The following EFHC1 variants were observed in gnomAD, a reference collection of about 807,000 sequenced individuals.
EFHC1 encodes the protein EF-hand domain containing 1.
In EFHC1, 53 loss-of-function variants were observed where a neutral mutation model predicts 69.9. The ratio of observed to expected loss-of-function variants is 0.76; its 90% CI spans 0.61 to 0.95. The LOEUF (loss-of-function observed/expected upper bound fraction) is 0.95, where lower values mean the gene tolerates loss of function less well. Among genes scored for constraint, EFHC1 ranks in the 40% least tolerant of loss-of-function variants. The pLI is 0.00. For synonymous variants in EFHC1, 256 were observed against 278.4 expected (o/e 0.92, Z 0.80); for missense variants, 739 against 798.7 (o/e 0.93, Z 0.90).
intron 5 of EFHC1, 80 bp downstream of exon 5, chr6:52,454,367 T>G: frequency 6.3e-7 from 1 of 1,577,396 alleles, no homozygotes; most frequent in East Asian, 2.2e-5. Context: ...GTATGCAAAA[T>G]TCGTTTATAC....
rs145141355 is a variant in EFHC1, at chr6:52,448,620, C to T, written c.574-4068C>T. ...ACCTCAGTTGGTAATGCAGAAATCA[C>T]CCGTCTTCTGCGTTGCTCATGCTGG... On this transcript the variant is annotated intron_variant, in intron 3 of 10. Coordinates refer to ENST00000371068, the MANE Select transcript of EFHC1 (RefSeq NM_018100.4). Among the ~76,000 whole-genome samples, 566 of 152,324 alleles carry T rather than the reference C, an allele frequency of 3.7e-3. 4 individuals are homozygous for T. The highest frequency in any genetic ancestry group is 0.013 in the African/African-American group (520 of 41,566).
At chr6:52,450,030 A>G (rs1315666876) in intron 3 of EFHC1, among the ~76,000 whole-genome samples, 1 of 152,182 alleles carries the variant, frequency 6.6e-6, no homozygotes, top group Admixed American at 6.5e-5. Flanking sequence ...TTTCAAAGAA[A>G]TTCTTGATTT....
intron 3 of EFHC1, among the ~76,000 whole-genome samples, chr6:52,443,994 G>A (rs1764724123): frequency 2.0e-5 from 3 of 152,106 alleles, no homozygotes; most frequent in African/African-American, 7.2e-5. Flanking sequence ...TCCTTGAAGA[G>A]GTCCTTCATG....
rs1210536369 is a variant in EFHC1 at position 52,420,358 on chromosome 6, G to A, written c.-53G>A. ...CCCGCGAACACTGCTTGTCGCCTGG[G>A]CAACCGGAGAGGACGAAGCAGGACC... On this transcript the variant is annotated 5_prime_UTR_variant, in exon 1 of 11. Transcript: ENST00000371068. 6 of 1,612,466 alleles carry A rather than the reference G, an allele frequency of 3.7e-6. No homozygotes were observed. The highest frequency in any genetic ancestry group is 5.1e-6 in the Non-Finnish European group (6 of 1,178,478).
At position 52,438,471 on chromosome 6, in the gene EFHC1, C is replaced by A. The variant is rs1411801051; in HGVS notation, c.453C>A (p.Arg151=). The change falls in exon 3 of 11, where the codon CGC becomes CGA. Residue 151 remains arginine (R), a synonymous_variant. Coordinates refer to ENST00000371068, the MANE Select transcript of EFHC1 (RefSeq NM_018100.4). ...TCCTTCAAGGCAAGTTAATAAAACG[C>A]CAGCGGCTAGCCAAGAATGACCGGG... The part of the protein sequence containing the change: ...SGILQGKLIK[R]QRLAKNDRGD... 1 of 1,613,966 alleles carries A rather than the reference C, an allele frequency of 6.2e-7. No homozygotes were observed. The highest frequency in any genetic ancestry group is 1.1e-5 in the South Asian group (1 of 91,074).
Position 52,454,118 on chromosome 6 carries a change from G to T in EFHC1, c.747G>T (p.Trp249Cys). The T allele has an allele frequency of 6.2e-7, 1 of 1,613,668 alleles. No homozygotes were observed. Residue 249 changes from tryptophan (W) to cysteine (C), a missense_variant, in exon 5 of 11, where the codon TGG becomes TGT. Coordinates refer to ENST00000371068, the MANE Select transcript of EFHC1 (RefSeq NM_018100.4). The stretch of plus-strand genomic sequence containing the variant: ...AGGTCCTTCGATTCTATGCAATCTG[G>T]GATGATACAGACAGCATGTATGGTG... ...DKQVLRFYAI[W>C]DDTDSMYGEC...
intron 2 of EFHC1, among the ~76,000 whole-genome samples, chr6:52,431,707 A>G (rs1408486467): frequency 6.6e-6 from 1 of 152,012 alleles, no homozygotes; most frequent in African/African-American, 2.4e-5. Flanking sequence ...TTGTAAATAT[A>G]TTAAGTCCAT....
chr6:52,446,906 T>C (rs546791859), intron 3 of EFHC1, among the ~76,000 whole-genome samples: 1 of 152,360 alleles, frequency 6.6e-6, no homozygotes, highest in Admixed American at 6.5e-5. Context: ...TCTTCTGGCT[T>C]GTAGAGTTTC....
chr6:52,450,840 C>T (rs1171600077), intron 3 of EFHC1, among the ~76,000 whole-genome samples: 1 of 151,996 alleles, frequency 6.6e-6, no homozygotes, highest in East Asian at 1.9e-4. Context: ...ACTTTGTCAC[C>T]CAGGTTGGCG....
intron 5 of EFHC1, among the ~76,000 whole-genome samples, chr6:52,460,789 C>A (rs1050990805): frequency 1.3e-5 from 2 of 152,082 alleles, no homozygotes; most frequent in African/African-American, 2.4e-5. Flanking sequence ...AAATACATTT[C>A]CAGGCAAACA....
chr6:52,480,257 C>G, intron 9 of EFHC1: 1 of 231,908 alleles, frequency 4.3e-6, no homozygotes, highest in Admixed American at 5.2e-5. Flanking sequence ...AGTGGATCAT[C>G]TTAAAGGTCT....
chr6:52,492,971 A>G lies in EFHC1; in HGVS notation c.*630A>G, dbSNP rs1362413932. 2.2e-6 allele frequency: 1 copy of G among 453,994 alleles called. No homozygotes were observed. Among genetic ancestry groups the G allele is most frequent in the African/African-American group, 2.0e-5 (1 of 50,010 alleles). 28.1% of individuals were successfully genotyped at this position (453,994 alleles called of 1,614,324 possible). A position where few individuals can be genotyped will look rare whatever the true frequency, so the allele number is the denominator to read the frequency against. ...CTGAAGGTATTTTTCGATGAGATAA[A>G]CATTTGAATCAGAAGACTAAGTAAA... On this transcript the variant is annotated 3_prime_UTR_variant, in exon 11 of 11. Transcript: ENST00000371068.
chr6:52,495,885 A>C lies in EFHC1; in HGVS notation c.*3544A>C. 3.3e-6 allele frequency: 1 copy of C among 301,110 alleles called. No homozygotes were observed. The highest frequency in any genetic ancestry group is 4.4e-5 in the Admixed American group (1 of 22,796). 18.7% of individuals were successfully genotyped at this position (301,110 alleles called of 1,614,324 possible). A position where few individuals can be genotyped will look rare whatever the true frequency, so the allele number is the denominator to read the frequency against. On this transcript the variant is annotated 3_prime_UTR_variant, in exon 11 of 11. Coordinates refer to ENST00000371068, the MANE Select transcript of EFHC1 (RefSeq NM_018100.4). ...CAACACAAGGTATAAAAGAGATTTC[A>C]TGAAAGACCAAAGCCAGCAGGCCAT... is the stretch of plus-strand genomic sequence containing the variant.
rs1436021510 is a variant in EFHC1 at position 52,496,605 on chromosome 6, T to C, written c.*4264T>C. 6.6e-6 allele frequency: 1 copy of C among 152,228 alleles called. No homozygotes were observed. The highest frequency in any genetic ancestry group is 1.5e-5 in the Non-Finnish European group (1 of 68,042). The allele number at this position is 152,228 out of a possible 1,614,324, so 9.4% of individuals were successfully genotyped here. A position where few individuals can be genotyped will look rare whatever the true frequency, so the allele number is the denominator to read the frequency against. On this transcript the variant is annotated 3_prime_UTR_variant, in exon 11 of 11. Coordinates refer to ENST00000371068, the MANE Select transcript of EFHC1 (RefSeq NM_018100.4). ...AAAAAGCCAATATGAGTGCTTTATATGTACCATGAACTTAGCATTCAGTAT... is the reference window on the plus strand; with the variant it reads ...AAAAAGCCAATATGAGTGCTTTATACGTACCATGAACTTAGCATTCAGTAT...
At chr6:52,461,213 C>T (rs1765158506) in intron 5 of EFHC1, among the ~76,000 whole-genome samples, 1 of 152,044 alleles carries the variant, frequency 6.6e-6, no homozygotes, top group African/African-American at 2.4e-5. Context: ...TGATCTTCTC[C>T]CTCCTCCCAC....
At chr6:52,442,988 C>G (rs1764699427) in intron 3 of EFHC1, among the ~76,000 whole-genome samples, 1 of 152,160 alleles carries the variant, frequency 6.6e-6, no homozygotes, top group Non-Finnish European at 1.5e-5. Flanking sequence ...GATCTCCATG[C>G]TAACTGGCAT....
chr6:52,436,762 CT>C (rs1764540832), intron 2 of EFHC1, among the ~76,000 whole-genome samples: 1 of 152,110 alleles, frequency 6.6e-6, no homozygotes, highest in African/African-American at 2.4e-5. Flanking sequence ...CTACCATAGC[CT>C]CCCAAGTAGG....
intron 1 of EFHC1, among the ~76,000 whole-genome samples, chr6:52,423,532 C>T (rs1201622251): frequency 6.6e-6 from 1 of 151,992 alleles, no homozygotes; most frequent in African/African-American, 2.4e-5. Context: ...GAGACAGAGT[C>T]TCACTGTTGC....
At chr6:52,484,288 A>G (rs910859779) in intron 9 of EFHC1, 1 of 152,208 alleles carries the variant, frequency 6.6e-6, no homozygotes, top group Non-Finnish European at 1.5e-5. Flanking sequence ...GGCCCCAAAG[A>G]GTTTTTATGT....
Sources: gnomAD v4.1 joint callset for allele counts (sites outside exome capture counted in the v4.1 genomes callset) on GRCh38, gnomAD v4.1.1 for gene constraint, MANE v1.5 for transcripts, NCBI Gene and HGNC (gene_info 2026-07-23, HGNC 2026-07-21) for gene names.